SETBP1: variants seen among roughly 807,000 people sequenced by gnomAD.
SETBP1 encodes the protein SET binding protein 1.
SETBP1 carries 9 observed loss-of-function variants against 101.0 expected under a neutral mutation model. The observed-to-expected ratio is 0.09, with a 90% CI of 0.05 to 0.16. The LOEUF is 0.16. Ranked by LOEUF, SETBP1 falls within the 10% of genes least tolerant of loss-of-function variation. The pLI is 1.00. For synonymous variants in SETBP1, 818 were observed against 788.5 expected (o/e 1.04, Z -0.63); for missense variants, 1,858 against 2,033.8 (o/e 0.91, Z 1.66).
rs2072487571 is a variant in SETBP1 at position 44,836,038 on chromosome 18, G to T, written c.487-33192G>T. 2.0e-5 allele frequency among the ~76,000 whole-genome samples: 3 copies of T among 152,178 alleles called. No individual in the cohort carries two copies. The South Asian group carries it at 6.2e-4, about 32-fold the overall frequency. On this transcript the variant is annotated intron_variant, in intron 2 of 5. Coordinates refer to ENST00000649279, the MANE Select transcript of SETBP1 (RefSeq NM_015559.3). ...TAATCACGTGAAGCATTTGGCCACG[G>T]ACAACGATCCTGTCCATTGGAACGA... is the stretch of plus-strand genomic sequence containing the variant.
chr18:44,861,575 C>A lies in SETBP1; in HGVS notation c.487-7655C>A, dbSNP rs545719646. The stretch of plus-strand genomic sequence containing the variant: ...GATAGAGCTCCCAACAGTATACATA[C>A]CCAAGGTAGCCAGAGGCTCATAAGA... On this transcript the variant is annotated intron_variant, in intron 2 of 5. Coordinates refer to ENST00000649279, the MANE Select transcript of SETBP1 (RefSeq NM_015559.3). Among the ~76,000 whole-genome samples the A allele has an allele frequency of 3.9e-5, 6 of 152,100 alleles. No homozygotes were observed. In the South Asian group the frequency reaches 1.2e-3, roughly 32 times the overall value.
intron 4 of SETBP1, among the ~76,000 whole-genome samples, chr18:45,036,349 A>C (rs57611168): frequency 2.7e-5 from 4 of 147,982 alleles, no homozygotes; most frequent in Non-Finnish European, 6.0e-5. Context: ...AAAAAAAAAA[A>C]GGCTAAGAAG....
At chr18:44,870,084 C>T (rs1160173565) in intron 3 of SETBP1, 2 of 152,970 alleles carry the variant, frequency 1.3e-5, no homozygotes, top group African/African-American at 4.8e-5. Flanking sequence ...CACCCTTCAA[C>T]TCAGTGCCTG....
At chr18:44,850,194 C>T (rs1408014730) in intron 2 of SETBP1, among the ~76,000 whole-genome samples, 2 of 152,134 alleles carry the variant, frequency 1.3e-5, no homozygotes, top group African/African-American at 4.8e-5. Context: ...AATTTGCATT[C>T]CAGTCACCCA....
chr18:44,754,267 A>C (rs1352517121), intron 2 of SETBP1, among the ~76,000 whole-genome samples: 1 of 152,198 alleles, frequency 6.6e-6, no homozygotes, highest in Non-Finnish European at 1.5e-5. Flanking sequence ...TATGAATAAA[A>C]TAGAACCTAT....
chr18:44,690,203 A>G (rs2068906312), intron 1 of SETBP1, among the ~76,000 whole-genome samples: 1 of 152,248 alleles, frequency 6.6e-6, no homozygotes, highest in African/African-American at 2.4e-5. Context: ...GGAGAAGGAA[A>G]TAAACAAGAT....
rs565521213 is a variant in SETBP1, at chr18:44,912,133, GAGTCTTTTTCTAGATGATCT to G, written c.541-37732_541-37713del. 4.3e-4 allele frequency among the ~76,000 whole-genome samples: 66 copies of G among 152,276 alleles called. 1 individual carries two copies. In the South Asian group the frequency reaches 0.01, roughly 23 times the overall value. On this transcript the variant is annotated intron_variant, in intron 3 of 5. Coordinates refer to ENST00000649279, the MANE Select transcript of SETBP1 (RefSeq NM_015559.3). ...TAAGTGTAGCTCAGGTTTATTATAA[GAGTCTTTTTCTAGATGATCT>G]AGTCTTTTTCTAGATCAAACATTTA...
intron 2 of SETBP1, among the ~76,000 whole-genome samples, chr18:44,772,445 C>T (rs2070894543): frequency 1.3e-5 from 2 of 152,178 alleles, no homozygotes; most frequent in East Asian, 1.9e-4. Flanking sequence ...CCTGCCCTGG[C>T]CCAGCAGGGA....
rs563404112 is a variant in SETBP1 at position 44,776,498 on chromosome 18, A to G, written c.486+74666A>G. Among the ~76,000 whole-genome samples, 33 of 152,282 alleles carry G rather than the reference A, an allele frequency of 2.2e-4. No individual in the cohort carries two copies. In the South Asian group the frequency reaches 2.9e-3, roughly 13 times the overall value. ...CATCTAGCAAGTTAAAAACTCCCCA[A>G]AAGCACAGGGACAGGAAATTTCATG... On this transcript the variant is annotated intron_variant, in intron 2 of 5. Coordinates refer to ENST00000649279, the MANE Select transcript of SETBP1 (RefSeq NM_015559.3).
At chr18:44,838,364 AT>A (rs2072540520) in intron 2 of SETBP1, among the ~76,000 whole-genome samples, 2 of 152,180 alleles carry the variant, frequency 1.3e-5, no homozygotes, top group African/African-American at 4.8e-5. Context: ...CCTTCAATAT[AT>A]GCCAGAACAG....
intron 4 of SETBP1, among the ~76,000 whole-genome samples, chr18:45,035,198 T>G (rs1048607170): frequency 1.3e-5 from 2 of 152,242 alleles, no homozygotes; most frequent in Non-Finnish European, 2.9e-5. Flanking sequence ...TGTTTAAAGC[T>G]TTCTTAATAT....
At chr18:44,752,330 A>G (rs1199191871) in intron 2 of SETBP1, among the ~76,000 whole-genome samples, 1 of 152,192 alleles carries the variant, frequency 6.6e-6, no homozygotes, top group African/African-American at 2.4e-5. Context: ...TATCTTCTTC[A>G]TGAACAGAGA....
chr18:44,772,107 G>T (rs369196455), intron 2 of SETBP1, among the ~76,000 whole-genome samples: 10 of 150,712 alleles, frequency 6.6e-5, no homozygotes, highest in Admixed American at 4.0e-4. Flanking sequence ...CCTCTCCCCC[G>T]CCCCAGCCTC....
Position 44,704,004 on chromosome 18 carries a change from C to T in SETBP1, c.486+2172C>T, listed in dbSNP as rs9956968. 1.8e-3 allele frequency among the ~76,000 whole-genome samples: 280 copies of T among 152,280 alleles called. 2 individuals carry two copies. Among genetic ancestry groups the T allele is most frequent in the Middle Eastern group, 6.8e-3 (2 of 294 alleles). ...AATGGTTACCCTTTGTCTCCATCAC[C>T]TTCACTGCCAGGATTTAAGCAGCAA... is the stretch of plus-strand genomic sequence containing the variant. On this transcript the variant is annotated intron_variant, in intron 2 of 5. Coordinates refer to ENST00000649279, the MANE Select transcript of SETBP1 (RefSeq NM_015559.3).
At chr18:45,016,312 A>G (rs1388386134) in intron 4 of SETBP1, among the ~76,000 whole-genome samples, 2 of 152,172 alleles carry the variant, frequency 1.3e-5, no homozygotes, top group African/African-American at 4.8e-5. Context: ...GGGCTAAGCC[A>G]GGGTGCAACT....
intron 3 of SETBP1, among the ~76,000 whole-genome samples, chr18:44,906,000 G>GA (rs1032170721): frequency 3.9e-5 from 6 of 152,176 alleles, no homozygotes; most frequent in Non-Finnish European, 8.8e-5. Flanking sequence ...CCAACGGTCA[G>GA]AATCACCTAT....
chr18:45,058,555 A>C (rs1316346115), intron 5 of SETBP1, among the ~76,000 whole-genome samples: 1 of 152,178 alleles, frequency 6.6e-6, no homozygotes. Context: ...ACAGAGATGG[A>C]GGGGTTAAGG....
chr18:44,940,725 CT>C (rs1345120083), intron 3 of SETBP1, among the ~76,000 whole-genome samples: 1 of 152,088 alleles, frequency 6.6e-6, no homozygotes, highest in African/African-American at 2.4e-5. Flanking sequence ...AATCTTATTT[CT>C]GCTTTAAGAA....
intron 2 of SETBP1, among the ~76,000 whole-genome samples, chr18:44,759,861 A>G (rs1487017466): frequency 2.0e-5 from 3 of 152,206 alleles, no homozygotes; most frequent in Admixed American, 6.5e-5. Context: ...AGCAGCAACC[A>G]AAAAACTCCA....
Sources: allele counts gnomAD v4.1 joint callset (sites outside exome capture counted in the v4.1 genomes callset), GRCh38; gene constraint gnomAD v4.1.1; transcripts MANE v1.5; gene names NCBI Gene and HGNC (gene_info 2026-07-23, HGNC 2026-07-21).